Variants in THSD7B observed in about 807,000 individuals in gnomAD.
THSD7B encodes the protein thrombospondin type 1 domain containing 7B.
In THSD7B, 138 loss-of-function variants were observed where a neutral mutation model predicts 213.6. The ratio of observed to expected loss-of-function variants is 0.65; its 90% confidence interval spans 0.56 to 0.74. The LOEUF is 0.74. Ranked by LOEUF, THSD7B falls within the 30% of genes least tolerant of loss-of-function variation. The probability of loss-of-function intolerance (pLI) is 0.00; values close to 1 mark genes in which losing one functional copy is unlikely to be tolerated. For missense variants in THSD7B, 1,931 were observed against 1,991.5 expected, an observed-to-expected ratio of 0.97 and a Z score of 0.58; for synonymous variants, 742 against 687.0, an observed-to-expected ratio of 1.08 and a Z score of -1.25.
intron 10 of THSD7B, among the ~76,000 whole-genome samples, chr2:137,256,765 C>CATTCAATT: frequency 6.6e-6 from 1 of 152,088 alleles, no homozygotes; most frequent in Admixed American, 6.5e-5. Context: ...ATTAGGGGAC[C>CATTCAATT]ATTCAATTAT....
At chr2:137,602,417 G>A (rs962922244) in intron 17 of THSD7B, among the ~76,000 whole-genome samples, 8 of 151,870 alleles carry the variant, frequency 5.3e-5, no homozygotes, top group South Asian at 2.1e-4. Context: ...CTATAGGCAC[G>A]CATCACCACG....
At chr2:137,206,545 A>G (rs1465704808) in intron 7 of THSD7B, among the ~76,000 whole-genome samples, 1 of 152,050 alleles carries the variant, frequency 6.6e-6, no homozygotes, top group Non-Finnish European at 1.5e-5. Context: ...ATTGAATCCT[A>G]GTATCAGCAT....
intron 1 of THSD7B, among the ~76,000 whole-genome samples, chr2:136,804,402 TAACACA>T (rs1401569577): frequency 1.6e-5 from 1 of 63,438 alleles, no homozygotes; most frequent in African/African-American, 6.3e-5. Context: ...CACACACACA[TAACACA>T]CACACACACA....
intron 12 of THSD7B, 57 bp downstream of exon 12, chr2:137,276,083 C>A: frequency 8.0e-7 from 1 of 1,252,186 alleles, no homozygotes; most frequent in Non-Finnish European, 1.1e-6. Context: ...CATTATGTAA[C>A]TCATATGTGT....
At position 137,503,041 on chromosome 2, in the gene THSD7B, G is replaced by A. The variant is rs1385983675; in HGVS notation, c.3138+52018G>A. On this transcript the variant is annotated intron_variant, in intron 15 of 27. Coordinates refer to ENST00000409968, the MANE Select transcript of THSD7B (RefSeq NM_001316349.2). ...TCTTTCCAAAGAAACAGCAGGGAAA[G>A]ATACATATTTTTAAACAAAATATGC... is the stretch of plus-strand genomic sequence containing the variant. Among the ~76,000 whole-genome samples, 12 of 152,252 alleles carry A rather than the reference G, an allele frequency of 7.9e-5. No individual in the cohort carries two copies. In the East Asian group the frequency reaches 2.3e-3, roughly 29 times the overall value.
chr2:137,308,899 A>G (rs1411336609), intron 12 of THSD7B, among the ~76,000 whole-genome samples: 1 of 152,124 alleles, frequency 6.6e-6, no homozygotes, highest in South Asian at 2.1e-4. Context: ...GATCATATGA[A>G]TGCTTCATTT....
chr2:136,868,112 A>G (rs974856036), intron 1 of THSD7B, among the ~76,000 whole-genome samples: 40 of 136,966 alleles, frequency 2.9e-4, no homozygotes, highest in African/African-American at 4.8e-4. Flanking sequence ...ACACACACAC[A>G]CGCGCGCGCA....
At chr2:137,072,197 C>T (rs1687507703) in intron 3 of THSD7B, among the ~76,000 whole-genome samples, 2 of 152,216 alleles carry the variant, frequency 1.3e-5, no homozygotes, top group Admixed American at 1.3e-4. Context: ...TTACCTTGGG[C>T]AGTATGGCCA....
chr2:137,069,150 T>C (rs1326927018), intron 3 of THSD7B, among the ~76,000 whole-genome samples: 1 of 152,096 alleles, frequency 6.6e-6, no homozygotes, highest in African/African-American at 2.4e-5. Context: ...CTTTTTCATT[T>C]TGACAGGAGT....
chr2:137,435,895 T>C (rs1687280076), intron 14 of THSD7B, among the ~76,000 whole-genome samples: 1 of 152,156 alleles, frequency 6.6e-6, no homozygotes, highest in Non-Finnish European at 1.5e-5. Flanking sequence ...TCAGCCTAAC[T>C]TTCCAGTTCC....
chr2:137,259,185 C>G (rs1203305389), intron 10 of THSD7B, among the ~76,000 whole-genome samples: 1 of 152,052 alleles, frequency 6.6e-6, no homozygotes, highest in Non-Finnish European at 1.5e-5. Flanking sequence ...ATTTATAATC[C>G]TTTGGGTATA....
At chr2:136,897,662 T>A (rs1356011207) in intron 2 of THSD7B, among the ~76,000 whole-genome samples, 1 of 152,228 alleles carries the variant, frequency 6.6e-6, no homozygotes, top group Non-Finnish European at 1.5e-5. Flanking sequence ...ATTCCCTTAT[T>A]TGACCCTGGC....
At chr2:137,657,255 T>C (rs1683254892) in intron 24 of THSD7B, 95 bp downstream of exon 24, 2 of 1,182,528 alleles carry the variant, frequency 1.7e-6, no homozygotes, top group Non-Finnish European at 2.4e-6. Flanking sequence ...AAACAAGGGG[T>C]GACTTGGGCA....
intron 1 of THSD7B, among the ~76,000 whole-genome samples, chr2:136,844,161 C>T (rs80002029): frequency 6.6e-6 from 1 of 152,090 alleles, no homozygotes; most frequent in Non-Finnish European, 1.5e-5. Flanking sequence ...TCAGGTATAC[C>T]AAAATTATTC....
chr2:137,581,596 C>T (rs770820018), intron 17 of THSD7B, among the ~76,000 whole-genome samples: 13 of 151,702 alleles, frequency 8.6e-5, no homozygotes, highest in South Asian at 8.3e-4. Flanking sequence ...CCAGCCTGGG[C>T]AACACAGAGA....
intron 15 of THSD7B, among the ~76,000 whole-genome samples, chr2:137,457,792 C>T (rs543480038): frequency 6.6e-6 from 1 of 152,210 alleles, no homozygotes; most frequent in South Asian, 2.1e-4. Flanking sequence ...ATTTTTTATA[C>T]TAAATGTACC....
chr2:136,942,799 G>C (rs942763999), intron 2 of THSD7B, among the ~76,000 whole-genome samples: 1 of 152,188 alleles, frequency 6.6e-6, no homozygotes, highest in African/African-American at 2.4e-5. Flanking sequence ...TCTGCAAACA[G>C]GGACAATTTG....
chr2:137,498,324 G>A (rs1395121765), intron 15 of THSD7B, among the ~76,000 whole-genome samples: 1 of 131,906 alleles, frequency 7.6e-6, no homozygotes, highest in East Asian at 2.4e-4. Context: ...CTGTAGGAGG[G>A]ACAGTAAAGT....
At position 137,176,583 on chromosome 2, in the gene THSD7B, C is replaced by G. The variant is rs145417446; in HGVS notation, c.1723+5645C>G. ...CAGAAGTAATGGGTTGTAGCACACA[C>G]CTTTGTTTCCTGCCCAGATCCCCTT... On this transcript the variant is annotated intron_variant, in intron 7 of 27. Transcript: ENST00000409968. Among the ~76,000 whole-genome samples the G allele has an allele frequency of 7.9e-5, 12 of 152,290 alleles. No individual in the cohort carries two copies. In the East Asian group the frequency reaches 2.3e-3, roughly 29 times the overall value.
Sources: allele counts gnomAD v4.1 joint callset (sites outside exome capture counted in the v4.1 genomes callset), GRCh38; gene constraint gnomAD v4.1.1; transcripts MANE v1.5; gene names NCBI Gene and HGNC (gene_info 2026-07-23, HGNC 2026-07-21).